APLF: variants seen among roughly 807,000 people sequenced by gnomAD.
APLF encodes aprataxin and PNK-like factor.
A neutral mutation model predicts 55.6 loss-of-function variants in APLF; 61 were observed. The observed-to-expected ratio is 1.10, with a 90% CI of 0.89 to 1.36. The LOEUF is 1.36. APLF is among the 40% of genes most tolerant of loss of function. APLF has a pLI of 0.00. For missense variants in APLF, 611 were observed against 602.5 expected (o/e 1.01, Z -0.15); for synonymous variants, 207 against 214.8 (o/e 0.96, Z 0.32).
intron 1 of APLF, among the ~76,000 whole-genome samples, chr2:68,484,093 T>G (rs1018037844): frequency 6.6e-6 from 1 of 152,162 alleles, no homozygotes; most frequent in African/African-American, 2.4e-5. Flanking sequence ...ACAAAATATC[T>G]AAGTATTTCT....
intron 1 of APLF, among the ~76,000 whole-genome samples, chr2:68,476,202 A>G (rs751363911): frequency 6.6e-6 from 1 of 151,950 alleles, no homozygotes; most frequent in African/African-American, 2.4e-5. Context: ...TATATACTCA[A>G]TGTAGAAAAT....
chr2:68,504,417 T>C (rs1269843996), intron 3 of APLF, among the ~76,000 whole-genome samples: 1 of 151,876 alleles, frequency 6.6e-6, no homozygotes, highest in African/African-American at 2.4e-5. Context: ...TCCAGCAATA[T>C]GTAAAAAGGA....
chr2:68,509,767 A>G (rs1267839829), intron 3 of APLF, among the ~76,000 whole-genome samples: 1 of 152,090 alleles, frequency 6.6e-6, no homozygotes, highest in African/African-American at 2.4e-5. Flanking sequence ...ACACATGCAC[A>G]CGTATGTTTA....
intron 1 of APLF, among the ~76,000 whole-genome samples, chr2:68,474,103 A>T (rs914429595): frequency 7.9e-5 from 12 of 152,218 alleles, no homozygotes; most frequent in African/African-American, 2.9e-4. Context: ...ATGACAAAGG[A>T]TACAGATGAG....
At chr2:68,495,364 G>A (rs933337312) in intron 2 of APLF, among the ~76,000 whole-genome samples, 6 of 152,226 alleles carry the variant, frequency 3.9e-5, no homozygotes, top group Non-Finnish European at 7.3e-5. Context: ...CAAAGGGTCT[G>A]TAGGCCCAAC....
chr2:68,575,841 G>T (rs1159133748), intron 9 of APLF, among the ~76,000 whole-genome samples: 1 of 152,164 alleles, frequency 6.6e-6, no homozygotes, highest in Non-Finnish European at 1.5e-5. Context: ...TCCAAGTACA[G>T]ATAATGCTTA....
intron 3 of APLF, among the ~76,000 whole-genome samples, chr2:68,509,597 G>A (rs1676981404): frequency 6.6e-6 from 1 of 152,062 alleles, no homozygotes; most frequent in Non-Finnish European, 1.5e-5. Context: ...TGGAGAAATA[G>A]GAACACTTTT....
chr2:68,534,771 T>A (rs115473924), intron 6 of APLF, among the ~76,000 whole-genome samples: 1,701 of 152,338 alleles, frequency 0.011, 36 homozygotes, highest in African/African-American at 0.039. Flanking sequence ...TAGAGCTCTC[T>A]GCCTTTCTCC....
chr2:68,517,964 AAT>A (rs1353333222), intron 5 of APLF, among the ~76,000 whole-genome samples: 1 of 140,722 alleles, frequency 7.1e-6, no homozygotes, highest in Non-Finnish European at 1.5e-5. Context: ...AATATGTGTT[AAT>A]ATATAACAGT....
intron 5 of APLF, among the ~76,000 whole-genome samples, chr2:68,515,040 G>C (rs1669538176): frequency 6.6e-6 from 1 of 151,618 alleles, no homozygotes; most frequent in Non-Finnish European, 1.5e-5. Context: ...TGTGTATTCT[G>C]CACAGTGGTC....
intron 7 of APLF, among the ~76,000 whole-genome samples, chr2:68,538,586 A>T (rs1670463898): frequency 6.6e-6 from 1 of 152,174 alleles, no homozygotes; most frequent in African/African-American, 2.4e-5. Context: ...CTACAATATA[A>T]CTATAATTTT....
At chr2:68,541,873 T>G (rs1022124664) in intron 7 of APLF, among the ~76,000 whole-genome samples, 1 of 152,188 alleles carries the variant, frequency 6.6e-6, no homozygotes, top group East Asian at 1.9e-4. Flanking sequence ...GGTCTCACAC[T>G]TCCTGATTTT....
intron 2 of APLF, among the ~76,000 whole-genome samples, chr2:68,502,297 A>T (rs537400380): frequency 2.0e-5 from 3 of 152,180 alleles, no homozygotes; most frequent in Non-Finnish European, 4.4e-5. Context: ...AGAAATTAGT[A>T]GGAGAAAATA....
chr2:68,467,746 C>A lies in APLF; in HGVS notation c.15C>A (p.Phe5Leu). The A allele has an allele frequency of 8.1e-7, 1 of 1,234,902 alleles. No homozygotes were observed. Among genetic ancestry groups the A allele is most frequent in the Non-Finnish European group, 1.0e-6 (1 of 988,036 alleles). The allele number at this position is 1,234,902 out of a possible 1,614,324, so 76.5% of individuals were successfully genotyped here. MSGG[F>L]ELQPRDGGPR... is the part of the protein sequence containing the mutation. ...CCTTGCCCGCCATGTCCGGGGGCTT[C>A]GAGCTGCAGCCGCGGGACGGCGGTC... Residue 5 changes from phenylalanine (F) to leucine (L), a missense_variant, in exon 1 of 10, where the codon TTC (phenylalanine) becomes TTA (leucine). Phe to Leu is a conservative substitution (Grantham distance 22, BLOSUM62 0). Transcript: ENST00000303795.
chr2:68,519,336 C>G (rs1313651769), intron 5 of APLF, among the ~76,000 whole-genome samples: 1 of 144,618 alleles, frequency 6.9e-6, no homozygotes, highest in Non-Finnish European at 1.5e-5. Context: ...AGTGAAGTGC[C>G]CAAAAACATG....
intron 8 of APLF, among the ~76,000 whole-genome samples, chr2:68,564,124 A>G (rs2104060839): frequency 1.3e-5 from 2 of 152,172 alleles, no homozygotes; most frequent in South Asian, 2.1e-4. Flanking sequence ...CACTAATTAT[A>G]CTTTAATAAA....
At chr2:68,543,994 T>G (rs1670629751) in intron 7 of APLF, among the ~76,000 whole-genome samples, 1 of 150,328 alleles carries the variant, frequency 6.7e-6, no homozygotes, top group African/African-American at 2.4e-5. Context: ...TTTTTTTTTT[T>G]TTTTTGAGAT....
intron 5 of APLF, among the ~76,000 whole-genome samples, chr2:68,516,647 C>T (rs1392766708): frequency 6.6e-6 from 1 of 150,458 alleles, no homozygotes; most frequent in African/African-American, 2.4e-5. Flanking sequence ...CCTTTGCATC[C>T]TTATACCTTA....
intron 8 of APLF, among the ~76,000 whole-genome samples, chr2:68,549,095 A>G (rs919450808): frequency 1.3e-5 from 2 of 152,036 alleles, no homozygotes; most frequent in African/African-American, 2.4e-5. Context: ...TTAACAGTTT[A>G]TCTGAATCAG....
Sources: gnomAD v4.1 joint callset for allele counts (sites outside exome capture counted in the v4.1 genomes callset) on GRCh38, gnomAD v4.1.1 for gene constraint, MANE v1.5 for transcripts, NCBI Gene and HGNC (gene_info 2026-07-23, HGNC 2026-07-21) for gene names.